Variants in ART4 observed in about 807,000 individuals in gnomAD.
ART4 encodes ecto-ADP-ribosyltransferase 4.
A neutral mutation model predicts 24.2 loss-of-function variants in ART4; 14 were observed. The ratio of observed to expected loss-of-function variants is 0.58; its 90% CI spans 0.38 to 0.90. The LOEUF is 0.90. Ranked by LOEUF, ART4 falls within the 40% of genes least tolerant of loss-of-function variation. ART4 has a pLI of 0.00. For synonymous variants in ART4, 145 were observed against 139.9 expected (o/e 1.04, Z -0.26); for missense variants, 356 against 366.6 (o/e 0.97, Z 0.24).
At chr12:14,834,857 T>G (rs1950419120) in intron 2 of ART4, among the ~76,000 whole-genome samples, 1 of 152,178 alleles carries the variant, frequency 6.6e-6, no homozygotes, top group African/African-American at 2.4e-5. Context: ...TTTTGCAAAT[T>G]TACTTCCTTA....
Position 14,840,840 on chromosome 12 carries a change from G to A in ART4, c.458C>T (p.Ser153Leu), listed in dbSNP as rs1863033974. 1.2e-6 allele frequency: 2 copies of A among 1,614,184 alleles called. No individual in the cohort carries two copies. The highest frequency in any genetic ancestry group is 1.7e-6 in the Non-Finnish European group (2 of 1,180,022). Reference protein sequence around the residue: ...VARTPQQYERSFHFKYLHYYL... With the variant: ...VARTPQQYERLFHFKYLHYYL... The stretch of plus-strand genomic sequence containing the variant: ...GTAGTGTAAATATTTGAAGTGGAAT[G>A]AACGTTCATACTGCTGTGGAGTCCT... Residue 153 changes from serine (S) to leucine (L), a missense_variant, in exon 2 of 3, where the codon TCA (serine) becomes TTA (leucine). By Grantham distance (145) the Ser-to-Leu change is moderately radical. Transcript: ENST00000228936.
chr12:14,840,482 A>G lies in ART4; in HGVS notation c.816T>C (p.Thr272=), dbSNP rs200528064. The G allele has an allele frequency of 1.7e-4, 278 of 1,613,800 alleles. No homozygotes were observed. Among genetic ancestry groups the G allele is most frequent in the Admixed American group, 4.5e-4 (27 of 59,972 alleles). The change falls in exon 2 of 3, where the codon ACT becomes ACC. Residue 272 remains threonine, a synonymous_variant. Coordinates refer to ENST00000228936, the MANE Select transcript of ART4 (RefSeq NM_021071.4). ...GACAGTTATATGTGCTCAGGTTCCC[A>G]GTTGACCTCAACTGCAACCAGTCTC... ...PRGDWLQLRS[T]GNLSTYNCQL... is the part of the protein sequence containing the mutation.
chr12:14,836,389 C>T (rs549927264), intron 2 of ART4, among the ~76,000 whole-genome samples: 6 of 151,836 alleles, frequency 4.0e-5, no homozygotes, highest in South Asian at 2.1e-4. Flanking sequence ...ATCTGATAAC[C>T]GAGAGGGCTA....
At chr12:14,842,275 A>G (rs1437446282) in intron 1 of ART4, among the ~76,000 whole-genome samples, 1 of 152,236 alleles carries the variant, frequency 6.6e-6, no homozygotes, top group Non-Finnish European at 1.5e-5. Flanking sequence ...ATCACATTCC[A>G]TCCAGTCAAT....
intron 2 of ART4, among the ~76,000 whole-genome samples, chr12:14,840,108 T>C (rs1950456588): frequency 6.6e-6 from 1 of 152,208 alleles, no homozygotes; most frequent in African/African-American, 2.4e-5. Flanking sequence ...TAGAACTCCT[T>C]ATCCATGTAA....
intron 2 of ART4, among the ~76,000 whole-genome samples, chr12:14,833,848 G>C (rs184009822): frequency 1.3e-5 from 2 of 152,284 alleles, no homozygotes; most frequent in African/African-American, 4.8e-5. Context: ...AGGAGCAAGA[G>C]TGTTAATATT....
At chr12:14,841,433 G>A (rs1199745086) in intron 1 of ART4, among the ~76,000 whole-genome samples, 1 of 152,170 alleles carries the variant, frequency 6.6e-6, no homozygotes, top group South Asian at 2.1e-4. Flanking sequence ...CAGCATGTTT[G>A]CATAGTAAGT....
chr12:14,839,537 A>G (rs1285345335), intron 2 of ART4, among the ~76,000 whole-genome samples: 1 of 152,226 alleles, frequency 6.6e-6, no homozygotes, highest in East Asian at 1.9e-4. Flanking sequence ...AAGTTGGTAC[A>G]CAAGACAGAG....
At position 14,825,997 on chromosome 12, in the gene ART4, A is replaced by T. The variant is rs146516282; in HGVS notation, c.*3374T>A. On this transcript the variant is annotated 3_prime_UTR_variant, in exon 3 of 3. Transcript: ENST00000228936. Reference sequence around the variant, plus strand: ...AATAAAATTACTATAGGACATAAGTACTCCTTACAGCACAGTCTCTGTTAA... The same window carrying T: ...AATAAAATTACTATAGGACATAAGTTCTCCTTACAGCACAGTCTCTGTTAA... 2.7e-4 allele frequency: 41 copies of T among 152,322 alleles called. No individual in the cohort carries two copies. Among genetic ancestry groups the T allele is most frequent in the African/African-American group, 9.6e-4 (40 of 41,574 alleles). The allele number at this position is 152,322 out of a possible 1,614,324, so 9.4% of individuals were successfully genotyped here.
rs1351776834 is a variant in ART4, at chr12:14,843,240, C to A, written c.-127G>T. ...CGTTTTTTCCCCTGTCTATGCTGAG[C>A]AACTTCTGTTGCCCACCAACAACCA... On this transcript the variant is annotated 5_prime_UTR_variant, in exon 1 of 3. Coordinates refer to ENST00000228936, the MANE Select transcript of ART4 (RefSeq NM_021071.4). 9 of 1,185,278 alleles carry A rather than the reference C, an allele frequency of 7.6e-6. No homozygotes were observed. In the East Asian group the frequency reaches 2.3e-4, roughly 30 times the overall value. The allele number at this position is 1,185,278 out of a possible 1,614,324, so 73.4% of individuals were successfully genotyped here.
Position 14,828,841 on chromosome 12 carries a change from T to C in ART4, c.*530A>G, listed in dbSNP as rs1278799645. Reference sequence around the variant, plus strand: ...TCACTTATCAGCTCTTCCTTTGTTGTGTTAGATCCTTTCTCAAGGAGATGG... The same window carrying C: ...TCACTTATCAGCTCTTCCTTTGTTGCGTTAGATCCTTTCTCAAGGAGATGG... On this transcript the variant is annotated 3_prime_UTR_variant, in exon 3 of 3. Coordinates refer to ENST00000228936, the MANE Select transcript of ART4 (RefSeq NM_021071.4). 1 of 152,356 alleles carries C rather than the reference T, an allele frequency of 6.6e-6. No homozygotes were observed. The highest frequency in any genetic ancestry group is 1.9e-4 in the East Asian group (1 of 5,212). 9.4% of individuals were successfully genotyped at this position (152,356 alleles called of 1,614,324 possible).
Position 14,840,643 on chromosome 12 carries a change from C to T in ART4, c.655G>A (p.Glu219Lys), listed in dbSNP as rs757725880. 1.9e-6 allele frequency: 3 copies of T among 1,614,108 alleles called. No homozygotes were observed. The highest frequency in any genetic ancestry group is 2.5e-6 in the Non-Finnish European group (3 of 1,180,012). ...GTAAATAGTGTCTGGTTCCCAAACT[C>T]CTGTGCCTCTTCTTTCAGGAGGGAT... ...STSLLKEEAQ[E>K]FGNQTLFTIF... Residue 219 changes from glutamate to lysine, a missense_variant, in exon 2 of 3, where the codon GAG (glutamate) becomes AAG (lysine). Physicochemically the swap from Glu to Lys is moderately conservative, Grantham distance 56. Coordinates refer to ENST00000228936, the MANE Select transcript of ART4 (RefSeq NM_021071.4).
intron 2 of ART4, among the ~76,000 whole-genome samples, chr12:14,836,175 A>G (rs1950429600): frequency 6.6e-6 from 1 of 152,144 alleles, no homozygotes; most frequent in South Asian, 2.1e-4. Flanking sequence ...TAGAAGATTC[A>G]TTTTTACAGT....
rs534501549 is a variant in ART4 at position 14,841,133 on chromosome 12, G to A, written c.165C>T (p.Phe55=). ...CATCAAAAGAACCTGGTGCGAAGTCGAAGTCGATTTTAATTGCAACCTGTA... is the reference window on the plus strand; with the variant it reads ...CATCAAAAGAACCTGGTGCGAAGTCAAAGTCGATTTTAATTGCAACCTGTA... ...EGSEVAIKID[F]DFAPGSFDDQ... The change falls in exon 2 of 3, where the codon TTC becomes TTT. Residue 55 remains phenylalanine (F), a synonymous_variant. Transcript: ENST00000228936. The A allele has an allele frequency of 6.7e-5, 106 of 1,572,544 alleles. 1 individual carries two copies. The Admixed American group carries it at 1.9e-3, about 28-fold the overall frequency.
Position 14,825,639 on chromosome 12 carries a change from G to C in ART4, c.*3732C>G, listed in dbSNP as rs1410284335. 1 of 152,116 alleles carries C rather than the reference G, an allele frequency of 6.6e-6. No individual in the cohort carries two copies. The highest frequency in any genetic ancestry group is 2.4e-5 in the African/African-American group (1 of 41,414). 9.4% of individuals were successfully genotyped at this position (152,116 alleles called of 1,614,324 possible). A position where few individuals can be genotyped will look rare whatever the true frequency, so the allele number is the denominator to read the frequency against. Reference sequence around the variant, plus strand: ...GTATTTCTGAAAGCACCTAATAAATGCTTGTTGAATTTTACCAAATCAAGA... The same window carrying C: ...GTATTTCTGAAAGCACCTAATAAATCCTTGTTGAATTTTACCAAATCAAGA... On this transcript the variant is annotated 3_prime_UTR_variant, in exon 3 of 3. Coordinates refer to ENST00000228936, the MANE Select transcript of ART4 (RefSeq NM_021071.4).
At chr12:14,842,041 C>T (rs776873607) in intron 1 of ART4, among the ~76,000 whole-genome samples, 29 of 152,316 alleles carry the variant, frequency 1.9e-4, no homozygotes, top group Non-Finnish European at 3.4e-4. Flanking sequence ...CCCTCCCCTC[C>T]TGGAAAAGGA....
rs1465680657 is a variant in ART4, at chr12:14,828,994, T to A, written c.*377A>T. 1 of 155,694 alleles carries A rather than the reference T, an allele frequency of 6.4e-6. No homozygotes were observed. 9.6% of individuals were successfully genotyped at this position (155,694 alleles called of 1,614,324 possible). ...TGCAATTCCACAAAAGTACCCTGAT[T>A]GTATCTCACAGGCTCTGATTGGATC... On this transcript the variant is annotated 3_prime_UTR_variant, in exon 3 of 3. Coordinates refer to ENST00000228936, the MANE Select transcript of ART4 (RefSeq NM_021071.4).
intron 2 of ART4, among the ~76,000 whole-genome samples, chr12:14,836,088 TA>T (rs1187462701): frequency 6.6e-6 from 1 of 152,150 alleles, no homozygotes; most frequent in Non-Finnish European, 1.5e-5. Flanking sequence ...TATATATATA[TA>T]TCATCAATGA....
In ART4 at chr12:14,829,232, G is replaced by C; in HGVS notation, c.*139C>G. ...AAAGGCATAAGAGAATTAGCAAAGA[G>C]GAGGCCATGCACTGGTTTCAGCAGA... On this transcript the variant is annotated 3_prime_UTR_variant, in exon 3 of 3. Coordinates refer to ENST00000228936, the MANE Select transcript of ART4 (RefSeq NM_021071.4). The C allele has an allele frequency of 1.8e-6, 1 of 555,596 alleles. No homozygotes were observed. Among genetic ancestry groups the C allele is most frequent in the Non-Finnish European group, 3.0e-6 (1 of 331,508 alleles). The allele number at this position is 555,596 out of a possible 1,614,324, so 34.4% of individuals were successfully genotyped here.
Sources: gnomAD v4.1 joint callset for allele counts (sites outside exome capture counted in the v4.1 genomes callset) on GRCh38, gnomAD v4.1.1 for gene constraint, MANE v1.5 for transcripts, NCBI Gene and HGNC (gene_info 2026-07-23, HGNC 2026-07-21) for gene names.